The following HS2ST1 variants were observed in gnomAD, a reference collection of about 807,000 sequenced individuals.
HS2ST1 encodes 2-O-sulfotransferase.
Under a neutral mutation model 42.9 loss-of-function variants are expected in HS2ST1, and 18 were observed. That is an observed-to-expected ratio of 0.42 (90% confidence interval 0.29 to 0.62). The LOEUF (loss-of-function observed/expected upper bound fraction) is 0.62, where lower values mean the gene tolerates loss of function less well. HS2ST1 is among the 20% of genes least tolerant of loss of function. The pLI is 0.21. For synonymous variants in HS2ST1, 146 were observed against 152.9 expected (o/e 0.95, Z 0.33); for missense variants, 334 against 433.8 (o/e 0.77, Z 2.04).
intron 1 of HS2ST1, among the ~76,000 whole-genome samples, chr1:87,070,185 A>G (rs929606057): frequency 6.6e-6 from 1 of 152,192 alleles, no homozygotes; most frequent in African/African-American, 2.4e-5. Flanking sequence ...CTTAAATGCC[A>G]ACACCACTGT....
chr1:87,098,332 T>G, intron 5 of HS2ST1: 1 of 987,498 alleles, frequency 1.0e-6, no homozygotes, highest in African/African-American at 1.7e-5. Context: ...CTGGTTTTAC[T>G]GTTAAACTGA....
At chr1:87,068,738 A>G (rs1231141508) in intron 1 of HS2ST1, among the ~76,000 whole-genome samples, 4 of 152,348 alleles carry the variant, frequency 2.6e-5, no homozygotes, top group Non-Finnish European at 1.5e-5. Context: ...CACATATTGT[A>G]TATTGCATGC....
chr1:87,057,715 G>T (rs1263875273), intron 1 of HS2ST1, among the ~76,000 whole-genome samples: 6 of 151,956 alleles, frequency 3.9e-5, no homozygotes, highest in African/African-American at 1.5e-4. Flanking sequence ...GCCAGGCGTG[G>T]TGGCAGGTGC....
chr1:87,041,504 G>A (rs1002766220), intron 1 of HS2ST1, among the ~76,000 whole-genome samples: 2 of 152,100 alleles, frequency 1.3e-5, no homozygotes, highest in African/African-American at 4.8e-5. Flanking sequence ...GGACATTATT[G>A]TTAACACAAC....
At position 86,915,007 on chromosome 1, in the gene HS2ST1, G is replaced by C; in HGVS notation, c.-30G>C. The C allele has an allele frequency of 1.2e-6, 2 of 1,613,310 alleles. No homozygotes were observed. Among genetic ancestry groups the C allele is most frequent in the Non-Finnish European group, 1.7e-6 (2 of 1,179,856 alleles). On this transcript the variant is annotated 5_prime_UTR_variant, in exon 1 of 7. Transcript: ENST00000370550. ...CGGGGTCCCGCTCCCCGCCCCCCGC[G>C]GTATGTCTTGATCCCGAGCAGCGGG...
intron 1 of HS2ST1, among the ~76,000 whole-genome samples, chr1:86,923,610 C>A (rs1464467039): frequency 6.6e-6 from 1 of 152,154 alleles, no homozygotes; most frequent in Non-Finnish European, 1.5e-5. Flanking sequence ...GTTAGCCAGG[C>A]TGGTCTTGAT....
chr1:86,964,386 G>A (rs1314693806), intron 1 of HS2ST1, among the ~76,000 whole-genome samples: 3 of 152,350 alleles, frequency 2.0e-5, no homozygotes, highest in African/African-American at 4.8e-5. Flanking sequence ...CTGCAATCCC[G>A]GCACCTCGGG....
intron 5 of HS2ST1, 103 bp downstream of exon 5, chr1:87,098,038 T>C: frequency 2.0e-6 from 3 of 1,531,000 alleles, no homozygotes; most frequent in Non-Finnish European, 2.6e-6. Flanking sequence ...GGTGAAAGAC[T>C]AGACTAAAAA....
intron 4 of HS2ST1, among the ~76,000 whole-genome samples, chr1:87,095,535 C>A (rs563126400): frequency 3.3e-5 from 5 of 152,282 alleles, no homozygotes; most frequent in Admixed American, 3.3e-4. Flanking sequence ...TGGGAGATTT[C>A]AAATTTGCAT....
chr1:86,944,167 T>A (rs1004216661), intron 1 of HS2ST1, among the ~76,000 whole-genome samples: 2 of 152,012 alleles, frequency 1.3e-5, no homozygotes, highest in Non-Finnish European at 2.9e-5. Context: ...AAGAAAAAAA[T>A]TATTCGATAG....
chr1:86,936,480 T>C (rs1660655385), intron 1 of HS2ST1, among the ~76,000 whole-genome samples: 1 of 152,184 alleles, frequency 6.6e-6, no homozygotes, highest in South Asian at 2.1e-4. Flanking sequence ...TAATCATTGA[T>C]ATGCAATGAA....
At chr1:86,927,187 G>A (rs535688643) in intron 1 of HS2ST1, among the ~76,000 whole-genome samples, 2 of 152,318 alleles carry the variant, frequency 1.3e-5, no homozygotes, top group South Asian at 4.1e-4. Context: ...TAATGGGGAA[G>A]AGAATCAGAG....
intron 1 of HS2ST1, among the ~76,000 whole-genome samples, chr1:86,939,254 C>T (rs1024107342): frequency 2.6e-5 from 4 of 152,042 alleles, no homozygotes; most frequent in African/African-American, 9.7e-5. Flanking sequence ...TAGAGTAAAG[C>T]TTAGTTGTAG....
chr1:86,993,122 T>A (rs1649006914), intron 1 of HS2ST1: 1 of 1,601,472 alleles, frequency 6.2e-7, no homozygotes, highest in Non-Finnish European at 8.5e-7. Context: ...GTATTCAGTA[T>A]GCCAGGTACT....
intron 1 of HS2ST1, among the ~76,000 whole-genome samples, chr1:86,929,924 A>G (rs1203698747): frequency 1.3e-5 from 2 of 151,942 alleles, no homozygotes; most frequent in East Asian, 3.9e-4. Flanking sequence ...GTACATTAAT[A>G]TTTATTGCCA....
At chr1:86,916,721 A>G (rs1557478267) in intron 1 of HS2ST1, among the ~76,000 whole-genome samples, 1 of 152,176 alleles carries the variant, frequency 6.6e-6, no homozygotes, top group African/African-American at 2.4e-5. Flanking sequence ...AGCGACATTC[A>G]GGGTCATATT....
chr1:86,933,139 T>C (rs1660576262), intron 1 of HS2ST1, among the ~76,000 whole-genome samples: 2 of 152,204 alleles, frequency 1.3e-5, no homozygotes, highest in Non-Finnish European at 2.9e-5. Flanking sequence ...ATAAAACTTA[T>C]TTTAATCTAC....
In HS2ST1 at chr1:86,914,834, A is replaced by C. The variant is rs1660103376; in HGVS notation, c.-203A>C. The C allele has an allele frequency of 3.4e-6, 2 of 593,074 alleles. No homozygotes were observed. Among genetic ancestry groups the C allele is most frequent in the Non-Finnish European group, 5.8e-6 (2 of 345,784 alleles). The allele number at this position is 593,074 out of a possible 1,614,324, so 36.7% of individuals were successfully genotyped here. ...GCGGCCGTTTAGTCGGCTGAGGAGA[A>C]GCGGACACCAGCGGCGTTGGTGATA... On this transcript the variant is annotated 5_prime_UTR_variant, in exon 1 of 7. Transcript: ENST00000370550.
intron 1 of HS2ST1, among the ~76,000 whole-genome samples, chr1:87,031,650 A>G (rs1245415997): frequency 6.6e-6 from 1 of 152,200 alleles, no homozygotes; most frequent in Non-Finnish European, 1.5e-5. Context: ...CAAGCTCCTT[A>G]TTTGGTTTCA....
Sources: allele counts gnomAD v4.1 joint callset (sites outside exome capture counted in the v4.1 genomes callset), GRCh38; gene constraint gnomAD v4.1.1; transcripts MANE v1.5; gene names NCBI Gene and HGNC (gene_info 2026-07-23, HGNC 2026-07-21).